SGSM2: variants seen among roughly 807,000 people sequenced by gnomAD.
The protein encoded by SGSM2 is small G protein signaling modulator 2.
Under a neutral mutation model 126.6 loss-of-function variants are expected in SGSM2, and 89 were observed. The ratio of observed to expected loss-of-function variants is 0.70; its 90% CI spans 0.59 to 0.84. SGSM2 has a LOEUF of 0.84. Ranked by LOEUF, SGSM2 falls within the 40% of genes least tolerant of loss-of-function variation. The pLI is 0.00. For synonymous variants in SGSM2, 614 were observed against 574.3 expected, an observed-to-expected ratio of 1.07 and a Z score of -0.99; for missense variants, 1,404 against 1,416.6, an observed-to-expected ratio of 0.99 and a Z score of 0.14.
chr17:2,365,630 C>G (rs1053148682), intron 11 of SGSM2, among the ~76,000 whole-genome samples: 8 of 152,168 alleles, frequency 5.3e-5, no homozygotes, highest in African/African-American at 1.9e-4. Flanking sequence ...CAGACCCTGT[C>G]CAGGGGTAAA....
rs1442500943 is a variant in SGSM2, at chr17:2,372,325, C to T, written c.1643-18C>T. On this transcript the variant is annotated intron_variant, in intron 14 of 23. Transcript: ENST00000268989. This position sits in a 1 kb window ranked among gnomAD's most constrained non-coding sequence, Gnocchi z 6.0. ...CCCTGGGTCCCAGCCTCCTGCTGCC[C>T]ACCGCTGCCCACCGCAGGGCTGGCA... 6.2e-7 allele frequency: 1 copy of T among 1,603,168 alleles called. No homozygotes were observed.
Position 2,380,358 on chromosome 17 carries a change from T to C in SGSM2, c.*838T>C, listed in dbSNP as rs1399619237. The C allele has an allele frequency of 6.7e-7, 1 of 1,500,500 alleles. No individual in the cohort carries two copies. Among genetic ancestry groups the C allele is most frequent in the East Asian group, 2.5e-5 (1 of 40,740 alleles). The allele number at this position is 1,500,500 out of a possible 1,614,324, so 92.9% of individuals were successfully genotyped here. ...GCACTTGCTCTGAGGAATCCCAGGGTGACTCTGTCGGGGAAGAATCCGGTC... is the reference window on the plus strand; with the variant it reads ...GCACTTGCTCTGAGGAATCCCAGGGCGACTCTGTCGGGGAAGAATCCGGTC... On this transcript the variant is annotated 3_prime_UTR_variant, in exon 24 of 24. Transcript: ENST00000268989.
At chr17:2,364,705 C>T in intron 9 of SGSM2, 42 bp downstream of exon 9, 47 of 1,607,498 alleles carry the variant, frequency 2.9e-5, no homozygotes, top group Non-Finnish European at 3.9e-5. Context: ...AAGGGAGAGG[C>T]TGCCTTCTGC....
chr17:2,368,753 C>G (rs934971446), intron 12 of SGSM2, among the ~76,000 whole-genome samples: 13 of 151,966 alleles, frequency 8.6e-5, no homozygotes, highest in Non-Finnish European at 8.8e-5. Flanking sequence ...CACACCCCTG[C>G]CATCTGGTTT....
chr17:2,354,440 C>A (rs772756189), intron 2 of SGSM2, among the ~76,000 whole-genome samples: 25 of 152,226 alleles, frequency 1.6e-4, no homozygotes, highest in Non-Finnish European at 2.4e-4. Context: ...CATTCTGCAT[C>A]TTGCTGTTGG....
intron 1 of SGSM2, among the ~76,000 whole-genome samples, chr17:2,340,624 G>C (rs865973420): frequency 2.1e-5 from 3 of 145,444 alleles, no homozygotes; most frequent in African/African-American, 7.7e-5. Flanking sequence ...TCGCTCTGTT[G>C]CCCAGGCTGG....
Position 2,377,851 on chromosome 17 carries a change from C to T in SGSM2, c.2803-6C>T, listed in dbSNP as rs746113866. 1.9e-6 allele frequency: 3 copies of T among 1,594,390 alleles called. No individual in the cohort carries two copies. The Admixed American group carries it at 5.0e-5, about 27-fold the overall frequency. ...CAGCCTCTCTCCCTTTTCCCACCCA[C>T]ATAAGATCCTGGACTCAGAGCTGTT... is the stretch of plus-strand genomic sequence containing the variant. On this transcript the variant is annotated splice_region_variant and splice_polypyrimidine_tract_variant and intron_variant, in intron 21 of 23. Transcript: ENST00000268989.
Position 2,367,592 on chromosome 17 carries a change from G to GCCA in SGSM2, c.1423+187_1423+188insCCA, listed in dbSNP as rs2065655850. Among the ~76,000 whole-genome samples the GCCA allele has an allele frequency of 1.3e-5, 2 of 152,208 alleles. No homozygotes were observed. The highest frequency in any genetic ancestry group is 2.9e-5 in the Non-Finnish European group (2 of 68,036). ...GCCAGACAGGTGCTGGCAAGAAAAG[G>GCCA]GGCTGGCCCAGGGCAGGTGGCTCCA... On this transcript the variant is annotated intron_variant, in intron 12 of 23. Coordinates refer to ENST00000268989, the MANE Select transcript of SGSM2 (RefSeq NM_014853.3). The surrounding 1 kb of genome is among the most constrained non-coding windows in gnomAD (Gnocchi z 4.0).
intron 2 of SGSM2, among the ~76,000 whole-genome samples, chr17:2,354,771 T>G (rs1276738750): frequency 6.6e-6 from 1 of 152,268 alleles, no homozygotes; most frequent in Admixed American, 6.5e-5. Context: ...CCCTTCCATC[T>G]GTGTCTTCCT....
chr17:2,352,803 A>T (rs1348144779), intron 2 of SGSM2, among the ~76,000 whole-genome samples: 15 of 85,752 alleles, frequency 1.7e-4, no homozygotes, highest in Non-Finnish European at 2.4e-4. Context: ...TTTGAGACGG[A>T]GTCTCGCTCT....
Position 2,361,649 on chromosome 17 carries a change from C to T in SGSM2, c.146C>T (p.Ala49Val), listed in dbSNP as rs1294445043. The T allele has an allele frequency of 1.9e-6, 3 of 1,613,778 alleles. No individual in the cohort carries two copies. Among genetic ancestry groups the T allele is most frequent in the East Asian group, 2.2e-5 (1 of 44,886 alleles). ...HIIALCGAVE[A>V]CLLHQLRRRA... ...CTTTGTGGCCTAGGTGCAGTGGAGGCTTGCCTCTTGCATCAGCTGAGACGC... is the reference window on the plus strand; with the variant it reads ...CTTTGTGGCCTAGGTGCAGTGGAGGTTTGCCTCTTGCATCAGCTGAGACGC... The change falls in exon 3 of 24, where the codon GCT (alanine) becomes GTT (valine). Residue 49 changes from alanine to valine, a missense_variant. Coordinates refer to ENST00000268989, the MANE Select transcript of SGSM2 (RefSeq NM_014853.3).
At chr17:2,342,527 T>G (rs1336644769) in intron 1 of SGSM2, among the ~76,000 whole-genome samples, 1 of 152,160 alleles carries the variant, frequency 6.6e-6, no homozygotes, top group East Asian at 1.9e-4. Context: ...GGGAAGGTGA[T>G]GAGGCGAGGG....
Position 2,372,108 on chromosome 17 carries a change from A to C in SGSM2, c.1578-82A>C. ...CTCCCCAGTGCCTTACCTGCCCCCCAGGACAGAGCCTCCTCCCTTCTCTCT... is the reference window on the plus strand; with the variant it reads ...CTCCCCAGTGCCTTACCTGCCCCCCCGGACAGAGCCTCCTCCCTTCTCTCT... On this transcript the variant is annotated intron_variant, in intron 13 of 23. Coordinates refer to ENST00000268989, the MANE Select transcript of SGSM2 (RefSeq NM_014853.3). The surrounding 1 kb of genome is among the most constrained non-coding windows in gnomAD (Gnocchi z 6.0). 1 of 1,539,912 alleles carries C rather than the reference A, an allele frequency of 6.5e-7. No homozygotes were observed.
chr17:2,353,783 A>T (rs527873811), intron 2 of SGSM2, among the ~76,000 whole-genome samples: 2 of 151,004 alleles, frequency 1.3e-5, no homozygotes, highest in Non-Finnish European at 2.9e-5. Flanking sequence ...AAAAGCGTGC[A>T]GTGAAAAGTC....
rs1567858094 is a variant in SGSM2 at position 2,380,421 on chromosome 17, A to G, written c.*901A>G. 3.1e-6 allele frequency: 3 copies of G among 982,910 alleles called. No homozygotes were observed. Among genetic ancestry groups the G allele is most frequent in the Non-Finnish European group, 4.6e-6 (3 of 648,038 alleles). 60.9% of individuals were successfully genotyped at this position (982,910 alleles called of 1,614,324 possible). ...CAGAGACAGGCCTCAGTTCGAGGGC[A>G]GCCCATTATCTGTCGCAGACATCTG... is the stretch of plus-strand genomic sequence containing the variant. On this transcript the variant is annotated 3_prime_UTR_variant, in exon 24 of 24. Transcript: ENST00000268989.
intron 20 of SGSM2, 59 bp downstream of exon 20, chr17:2,376,874 G>A (rs1199272473): frequency 6.2e-7 from 1 of 1,609,286 alleles, no homozygotes; most frequent in African/African-American, 1.3e-5. Flanking sequence ...ACGAGAGGGT[G>A]GCCAGGTCTG....
Position 2,337,892 on chromosome 17 carries a change from C to G in SGSM2, c.57+147C>G. On this transcript the variant is annotated intron_variant, in intron 1 of 23. Coordinates refer to ENST00000268989, the MANE Select transcript of SGSM2 (RefSeq NM_014853.3). This position sits in a 1 kb window ranked among gnomAD's most constrained non-coding sequence, Gnocchi z 5.1. ...GGTCCTGGACGGGCTGCGCCTCCTTCCCCTTTCTCGGATGGGGGAGGGCAG... is the reference window on the plus strand; with the variant it reads ...GGTCCTGGACGGGCTGCGCCTCCTTGCCCTTTCTCGGATGGGGGAGGGCAG... The G allele has an allele frequency of 4.6e-6, 2 of 430,950 alleles. No homozygotes were observed. Among genetic ancestry groups the G allele is most frequent in the African/African-American group, 2.1e-5 (1 of 47,284 alleles). The allele number at this position is 430,950 out of a possible 1,614,324, so 26.7% of individuals were successfully genotyped here.
At position 2,372,898 on chromosome 17, in the gene SGSM2, G is replaced by A; in HGVS notation, c.1789-55G>A. 6.5e-7 allele frequency: 1 copy of A among 1,540,710 alleles called. No homozygotes were observed. Among genetic ancestry groups the A allele is most frequent in the Admixed American group, 2.0e-5 (1 of 50,446 alleles). On this transcript the variant is annotated intron_variant, in intron 15 of 23. Transcript: ENST00000268989. This position sits in a 1 kb window ranked among gnomAD's most constrained non-coding sequence, Gnocchi z 6.0. ...TTCTCCGTGGGATGGGGCTCACCCA[G>A]CTGGGCCACGGTGACTGTGGAGGCT...
chr17:2,354,334 C>T (rs1344384340), intron 2 of SGSM2, among the ~76,000 whole-genome samples: 1 of 152,176 alleles, frequency 6.6e-6, no homozygotes, highest in Non-Finnish European at 1.5e-5. Flanking sequence ...AGGCGTGAGC[C>T]ACCGCGCCCA....
Sources: gnomAD v4.1 joint callset for allele counts (sites outside exome capture counted in the v4.1 genomes callset) on GRCh38, gnomAD v4.1.1 for gene constraint, Gnocchi (gnomAD v3.1) non-coding constraint, MANE v1.5 for transcripts, NCBI Gene and HGNC (gene_info 2026-07-23, HGNC 2026-07-21) for gene names.